The following IL20RA variants were observed in gnomAD, a reference collection of about 807,000 sequenced individuals.
The protein encoded by IL20RA is interleukin-20 receptor subunit alpha.
A neutral mutation model predicts 36.5 loss-of-function variants in IL20RA; 29 were observed. The ratio of observed to expected loss-of-function variants is 0.79; its 90% CI spans 0.59 to 1.08. The LOEUF (loss-of-function observed/expected upper bound fraction) is 1.08. IL20RA is among the 50% of genes least tolerant of loss of function. The pLI, the probability that IL20RA is intolerant of heterozygous loss-of-function variation, is 0.00. For synonymous variants in IL20RA, 279 were observed against 267.1 expected, an observed-to-expected ratio of 1.04 and a Z score of -0.43; for missense variants, 652 against 668.4, an observed-to-expected ratio of 0.98 and a Z score of 0.27.
chr6:137,030,070 G>GTTTGTT (rs1776222056), intron 1 of IL20RA, among the ~76,000 whole-genome samples: 1 of 62,804 alleles, frequency 1.6e-5, no homozygotes, highest in Non-Finnish European at 2.7e-5. Flanking sequence ...CGGTTTGCGG[G>GTTTGTT]TTTTTTTTTT....
At chr6:137,030,070 G>GTTTTTTTTTTTTTTTTTTTTTTTTTTT (rs1188809232) in intron 1 of IL20RA, among the ~76,000 whole-genome samples, 1 of 62,804 alleles carries the variant, frequency 1.6e-5, no homozygotes, top group African/African-American at 6.5e-5. Flanking sequence ...CGGTTTGCGG[G>GTTTTTTTTTTTTTTTTTTTTTTTTTTT]TTTTTTTTTT....
intron 1 of IL20RA, among the ~76,000 whole-genome samples, chr6:137,035,447 T>G (rs1253670692): frequency 6.6e-6 from 1 of 152,228 alleles, no homozygotes; most frequent in Non-Finnish European, 1.5e-5. Context: ...AAAGAAACTG[T>G]TTTCCTCAAT....
chr6:137,023,221 A>T (rs1200590939), intron 1 of IL20RA, among the ~76,000 whole-genome samples: 1 of 151,582 alleles, frequency 6.6e-6, no homozygotes, highest in Non-Finnish European at 1.5e-5. Context: ...TGGGTCACAG[A>T]ACCCATAAAT....
chr6:137,024,460 G>C (rs1365863844), intron 1 of IL20RA, among the ~76,000 whole-genome samples: 3 of 152,318 alleles, frequency 2.0e-5, no homozygotes, highest in South Asian at 2.1e-4. Flanking sequence ...GATTCTCTGA[G>C]ATATTTGAGA....
chr6:137,043,744 G>GT (rs1776793104), intron 1 of IL20RA, among the ~76,000 whole-genome samples: 1 of 152,198 alleles, frequency 6.6e-6, no homozygotes, highest in Admixed American at 6.5e-5. Flanking sequence ...CCTGAACGAA[G>GT]TGTCTACAAA....
intron 1 of IL20RA, among the ~76,000 whole-genome samples, chr6:137,043,256 T>C (rs1267751021): frequency 1.3e-5 from 2 of 152,082 alleles, no homozygotes; most frequent in African/African-American, 4.8e-5. Context: ...TGGCTAGTTT[T>C]TTATTTTTAT....
At chr6:137,016,714 G>A (rs1046997279) in intron 2 of IL20RA, among the ~76,000 whole-genome samples, 1 of 152,074 alleles carries the variant, frequency 6.6e-6, no homozygotes, top group Non-Finnish European at 1.5e-5. Context: ...ACCTAATAAT[G>A]TTTTATTATT....
At chr6:137,022,062 C>A (rs1775926491) in intron 1 of IL20RA, among the ~76,000 whole-genome samples, 1 of 151,978 alleles carries the variant, frequency 6.6e-6, no homozygotes, top group African/African-American at 2.4e-5. Context: ...GCGTTGTAAA[C>A]CAAGTAGAAT....
intron 1 of IL20RA, among the ~76,000 whole-genome samples, chr6:137,020,340 C>T (rs1457678062): frequency 6.6e-6 from 1 of 152,112 alleles, no homozygotes; most frequent in African/African-American, 2.4e-5. Context: ...TTGGCTAAGC[C>T]CTTACTGGAA....
chr6:137,043,228 G>T (rs571986083), intron 1 of IL20RA, among the ~76,000 whole-genome samples: 26 of 152,166 alleles, frequency 1.7e-4, no homozygotes, highest in African/African-American at 6.0e-4. Context: ...TAGGACTACA[G>T]GTTTTTGCCA....
rs921977845 is a variant in IL20RA at position 137,010,965 on chromosome 6, G to A, written c.403+309C>T. ...TAAAGATGAGACTCAGGCTGGGTGCGGTGGCTTATGCCTGTAACCCTAACA... is the reference window on the plus strand; with the variant it reads ...TAAAGATGAGACTCAGGCTGGGTGCAGTGGCTTATGCCTGTAACCCTAACA... On this transcript the variant is annotated intron_variant, in intron 3 of 6. Coordinates refer to ENST00000316649, the MANE Select transcript of IL20RA (RefSeq NM_014432.4). 2.6e-4 allele frequency among the ~76,000 whole-genome samples: 39 copies of A among 152,128 alleles called. 2 individuals are homozygous for A. The highest frequency in any genetic ancestry group is 2.4e-3 in the Admixed American group (37 of 15,278).
chr6:137,032,421 A>G (rs1033771531), intron 1 of IL20RA, among the ~76,000 whole-genome samples: 5 of 152,200 alleles, frequency 3.3e-5, no homozygotes, highest in African/African-American at 9.6e-5. Context: ...CATAGATGAG[A>G]AAACCAAAGC....
chr6:137,023,224 C>T (rs570332552), intron 1 of IL20RA, among the ~76,000 whole-genome samples: 43 of 150,772 alleles, frequency 2.9e-4, no homozygotes, highest in African/African-American at 9.9e-4. Flanking sequence ...GTCACAGAAC[C>T]CATAAATACA....
rs1776848234 is a variant in IL20RA, at chr6:137,044,849, G to C, written c.-121C>G. 1.1e-6 allele frequency: 1 copy of C among 951,554 alleles called. No individual in the cohort carries two copies. Among genetic ancestry groups the C allele is most frequent in the East Asian group, 3.8e-5 (1 of 26,454 alleles). The allele number at this position is 951,554 out of a possible 1,614,324, so 58.9% of individuals were successfully genotyped here. A position where few individuals can be genotyped will look rare whatever the true frequency, so the allele number is the denominator to read the frequency against. On this transcript the variant is annotated 5_prime_UTR_variant, in exon 1 of 7. Coordinates refer to ENST00000316649, the MANE Select transcript of IL20RA (RefSeq NM_014432.4). ...CTGGGGCTCTGCGTGCCACGCTCCA[G>C]GCGACCTGAGTCCCAGGGCGCCTCC...
intron 1 of IL20RA, among the ~76,000 whole-genome samples, chr6:137,025,786 A>G (rs1776065044): frequency 6.6e-6 from 1 of 152,206 alleles, no homozygotes; most frequent in African/African-American, 2.4e-5. Context: ...CCATCTAAGT[A>G]TGTTACAGTT....
At chr6:137,017,264 T>C (rs1582826442) in intron 1 of IL20RA, among the ~76,000 whole-genome samples, 161 bp from the exon 2 acceptor site, 1 of 152,228 alleles carries the variant, frequency 6.6e-6, no homozygotes, top group African/African-American at 2.4e-5. Flanking sequence ...CAGAGGTGGC[T>C]CTGGGACTAA....
At chr6:137,043,592 A>T (rs930384076) in intron 1 of IL20RA, among the ~76,000 whole-genome samples, 1 of 152,198 alleles carries the variant, frequency 6.6e-6, no homozygotes, top group Admixed American at 6.5e-5. Context: ...AATCTCTCCA[A>T]GATCTGTGTG....
rs1413709487 is a variant in IL20RA, at chr6:137,001,593, C to T, written c.1627G>A (p.Glu543Lys). ...ATCTGCACATATAACCCCCATTCCT[C>T]CATGAATTGCATGAGATAGGTTTCA... ...ENETYLMQFM[E>K]EWGLYVQMEN The change falls in exon 7 of 7, where the codon GAG becomes AAG. Residue 543 changes from glutamate to lysine, a missense_variant. By Grantham distance (56) the Glu-to-Lys change is moderately conservative. Transcript: ENST00000316649. 1.3e-6 allele frequency: 2 copies of T among 1,594,084 alleles called. No individual in the cohort carries two copies. The highest frequency in any genetic ancestry group is 1.1e-5 in the South Asian group (1 of 88,652).
At chr6:137,018,901 A>G (rs138670856) in intron 1 of IL20RA, among the ~76,000 whole-genome samples, 441 of 152,300 alleles carry the variant, frequency 2.9e-3, no homozygotes, top group Non-Finnish European at 4.8e-3. Context: ...AAGAGTGGTT[A>G]GCATCTTATA....
Sources: gnomAD v4.1 joint callset for allele counts (sites outside exome capture counted in the v4.1 genomes callset) on GRCh38, gnomAD v4.1.1 for gene constraint, MANE v1.5 for transcripts, NCBI Gene and HGNC (gene_info 2026-07-23, HGNC 2026-07-21) for gene names.